LRBA: variants seen among roughly 807,000 people sequenced by gnomAD.
The protein encoded by LRBA is lipopolysaccharide-responsive and beige-like anchor protein.
A neutral mutation model predicts 330.0 loss-of-function variants in LRBA; 176 were observed. The ratio of observed to expected loss-of-function variants is 0.53; its 90% CI spans 0.47 to 0.60. The LOEUF (loss-of-function observed/expected upper bound fraction) is 0.60. Ranked by LOEUF, LRBA falls within the 20% of genes least tolerant of loss-of-function variation. The pLI is 0.00. For synonymous variants in LRBA, 1,230 were observed against 1,193.0 expected, an observed-to-expected ratio of 1.03 and a Z score of -0.64; for missense variants, 3,259 against 3,444.8, an observed-to-expected ratio of 0.95 and a Z score of 1.35.
intron 37 of LRBA, among the ~76,000 whole-genome samples, chr4:150,660,437 G>A (rs1780897990): frequency 6.8e-6 from 1 of 147,722 alleles, no homozygotes; most frequent in African/African-American, 2.5e-5. Flanking sequence ...GGGAAGTGAG[G>A]AGCCCCTCTG....
chr4:150,442,973 A>G (rs578239726), intron 44 of LRBA, among the ~76,000 whole-genome samples: 25 of 152,312 alleles, frequency 1.6e-4, no homozygotes, highest in African/African-American at 5.8e-4. Context: ...TCTGATGACA[A>G]TGCTACTATT....
At chr4:150,756,975 A>G (rs1414278825) in intron 35 of LRBA, among the ~76,000 whole-genome samples, 2 of 152,182 alleles carry the variant, frequency 1.3e-5, no homozygotes, top group Non-Finnish European at 2.9e-5. Context: ...ACACTCATAA[A>G]CAAAATTAGT....
At chr4:150,404,673 A>G (rs186299981) in intron 47 of LRBA, among the ~76,000 whole-genome samples, 1 of 152,306 alleles carries the variant, frequency 6.6e-6, no homozygotes, top group Admixed American at 6.5e-5. Context: ...ACTATTAGAC[A>G]ATCCTTTTCA....
intron 53 of LRBA, among the ~76,000 whole-genome samples, chr4:150,297,569 G>A (rs1729127706): frequency 6.6e-6 from 1 of 152,212 alleles, no homozygotes; most frequent in South Asian, 2.1e-4. Flanking sequence ...GGAAGGTCTT[G>A]ATGAGACACA....
intron 47 of LRBA, among the ~76,000 whole-genome samples, chr4:150,397,827 A>T (rs1744950081): frequency 6.6e-6 from 1 of 152,154 alleles, no homozygotes; most frequent in Non-Finnish European, 1.5e-5. Context: ...CTTACCTCAT[A>T]AACTTATTGT....
rs1302692423 is a variant in LRBA, at chr4:150,852,762, G to C, written c.2948C>G (p.Pro983Arg). 1 of 1,613,934 alleles carries C rather than the reference G, an allele frequency of 6.2e-7. No homozygotes were observed. Among genetic ancestry groups the C allele is most frequent in the Non-Finnish European group, 8.5e-7 (1 of 1,179,890 alleles). Residue 983 changes from proline to arginine, a missense_variant, in exon 23 of 57, where the codon CCT becomes CGT. Coordinates refer to ENST00000651943, the MANE Select transcript of LRBA (RefSeq NM_001364905.1). ...TTCATTACCATTTGTGGTGAAATGAGGACAGACAGGAGAATCCTTCGTATC... is the reference window on the plus strand; with the variant it reads ...TTCATTACCATTTGTGGTGAAATGACGACAGACAGGAGAATCCTTCGTATC... ...QPDTKDSPVC[P>R]HFTTNGNENS...
At chr4:150,577,422 A>T (rs897967872) in intron 40 of LRBA, among the ~76,000 whole-genome samples, 132 of 150,690 alleles carry the variant, frequency 8.8e-4, no homozygotes, top group African/African-American at 3.0e-3. Flanking sequence ...CATTTTTTTA[A>T]AAAAAAAAAG....
intron 46 of LRBA, among the ~76,000 whole-genome samples, chr4:150,428,220 G>A (rs534992443): frequency 1.3e-5 from 2 of 151,836 alleles, no homozygotes; most frequent in Non-Finnish European, 2.9e-5. Flanking sequence ...TGTAAATATA[G>A]AATATACTTT....
chr4:150,270,940 T>G (rs1746007593), intron 56 of LRBA, among the ~76,000 whole-genome samples: 1 of 152,224 alleles, frequency 6.6e-6, no homozygotes, highest in South Asian at 2.1e-4. Flanking sequence ...TAGGAGCAGA[T>G]CTGGTCTGCA....
intron 2 of LRBA, among the ~76,000 whole-genome samples, chr4:150,942,715 C>G (rs138447070): frequency 3.9e-5 from 6 of 151,992 alleles, no homozygotes; most frequent in African/African-American, 1.2e-4. Context: ...TTACAAGAAC[C>G]CTGTAAGTCA....
chr4:150,915,394 T>C (rs977784220), intron 8 of LRBA, among the ~76,000 whole-genome samples: 1 of 152,104 alleles, frequency 6.6e-6, no homozygotes, highest in Admixed American at 6.5e-5. Flanking sequence ...TAGCTATAAA[T>C]CCTTATTTCT....
At chr4:150,840,966 A>G (rs1231561168) in intron 28 of LRBA, 39 of 1,232,238 alleles carry the variant, frequency 3.2e-5, no homozygotes, top group Non-Finnish European at 3.9e-5. Flanking sequence ...GAACATATCC[A>G]CTTGATGCAA....
At chr4:150,592,233 T>C (rs982804786) in intron 38 of LRBA, among the ~76,000 whole-genome samples, 5 of 142,540 alleles carry the variant, frequency 3.5e-5, no homozygotes, top group Admixed American at 7.4e-5. Context: ...AGCAGTCAAT[T>C]TGCAGTAACA....
intron 45 of LRBA, 140 bp downstream of exon 45, chr4:150,436,584 G>A: frequency 1.6e-6 from 1 of 638,726 alleles, no homozygotes; most frequent in South Asian, 2.9e-5. Context: ...ATGAGATAGA[G>A]ATATTTATAA....
intron 40 of LRBA, among the ~76,000 whole-genome samples, chr4:150,522,331 A>G (rs1289821619): frequency 6.6e-6 from 1 of 152,222 alleles, no homozygotes; most frequent in African/African-American, 2.4e-5. Flanking sequence ...TAAAAGAGAA[A>G]TTGTTGTCAA....
intron 40 of LRBA, among the ~76,000 whole-genome samples, chr4:150,564,433 C>T (rs1298414115): frequency 6.6e-6 from 1 of 151,996 alleles, no homozygotes; most frequent in East Asian, 1.9e-4. Context: ...CCATAAAAAC[C>T]CTAGAAGAAA....
chr4:150,639,373 G>GAAAAAAAAAAAAAAAAAAA (rs1428774639), intron 37 of LRBA, among the ~76,000 whole-genome samples: 5 of 79,274 alleles, frequency 6.3e-5, no homozygotes, highest in East Asian at 7.2e-4. Context: ...AAAAAAAAAA[G>GAAAAAAAAAAAAAAAAAAA]AAAAAAAAAA....
At chr4:150,475,898 G>A (rs571382326) in intron 42 of LRBA, among the ~76,000 whole-genome samples, 9 of 150,596 alleles carry the variant, frequency 6.0e-5, no homozygotes, top group East Asian at 5.8e-4. Context: ...GAGCAAGATC[G>A]TGTCTCTACA....
intron 2 of LRBA, among the ~76,000 whole-genome samples, chr4:150,961,271 T>C (rs1738116159): frequency 1.3e-5 from 2 of 149,240 alleles, no homozygotes; most frequent in South Asian, 4.1e-4. Context: ...ACTGAATCTA[T>C]GTGAAATAAT....
Sources: gnomAD v4.1 joint callset for allele counts (sites outside exome capture counted in the v4.1 genomes callset) on GRCh38, gnomAD v4.1.1 for gene constraint, MANE v1.5 for transcripts, NCBI Gene and HGNC (gene_info 2026-07-23, HGNC 2026-07-21) for gene names.